The following GRIP1 variants were observed in gnomAD, a reference collection of about 807,000 sequenced individuals.
GRIP1 encodes glutamate receptor interacting protein 1, also known as glutamate receptor-interacting protein 1.
In GRIP1, 45 loss-of-function variants were observed where a neutral mutation model predicts 129.9. The observed-to-expected ratio is 0.35, with a 90% confidence interval of 0.27 to 0.44. The LOEUF (loss-of-function observed/expected upper bound fraction) is 0.44, where lower values mean the gene tolerates loss of function less well. Among genes scored for constraint, GRIP1 ranks in the 20% least tolerant of loss-of-function variants. The pLI is 1.00. For missense variants in GRIP1, 1,196 were observed against 1,396.8 expected, an observed-to-expected ratio of 0.86 and a Z score of 2.29; for synonymous variants, 530 against 520.8, an observed-to-expected ratio of 1.02 and a Z score of -0.24.
intron 2 of GRIP1, among the ~76,000 whole-genome samples, chr12:66,576,666 A>G (rs1189116589): frequency 6.6e-6 from 1 of 152,230 alleles, no homozygotes; most frequent in Non-Finnish European, 1.5e-5. Context: ...TGTTTTTTAA[A>G]TAAATAAGAC....
chr12:66,572,890 G>A (rs2063011238), intron 2 of GRIP1, among the ~76,000 whole-genome samples: 1 of 152,040 alleles, frequency 6.6e-6, no homozygotes, highest in Non-Finnish European at 1.5e-5. Context: ...GATCTCATAT[G>A]TTTTCTATAT....
intron 7 of GRIP1, among the ~76,000 whole-genome samples, chr12:66,477,616 T>A (rs1484772693): frequency 6.6e-6 from 1 of 152,220 alleles, no homozygotes; most frequent in African/African-American, 2.4e-5. Flanking sequence ...TCACGCTATC[T>A]GACTTCAAAC....
At chr12:67,057,258 G>A (rs982389417) in intron 1 of GRIP1, among the ~76,000 whole-genome samples, 5 of 152,010 alleles carry the variant, frequency 3.3e-5, no homozygotes, top group Non-Finnish European at 5.9e-5. Context: ...GACAGGATTA[G>A]TGTCCTTATA....
chr12:66,934,600 T>C (rs2041454183), intron 1 of GRIP1, among the ~76,000 whole-genome samples: 2 of 152,214 alleles, frequency 1.3e-5, no homozygotes. Context: ...TTTAAAATAC[T>C]TCAATAAATT....
intron 23 of GRIP1, among the ~76,000 whole-genome samples, chr12:66,354,660 G>A (rs2054393674): frequency 6.6e-6 from 1 of 152,158 alleles, no homozygotes; most frequent in Non-Finnish European, 1.5e-5. Flanking sequence ...CACAACTAAT[G>A]CATGAATACA....
At chr12:66,410,290 C>G (rs975315462) in intron 15 of GRIP1, among the ~76,000 whole-genome samples, 1 of 142,010 alleles carries the variant, frequency 7.0e-6, no homozygotes, top group Non-Finnish European at 1.5e-5. Flanking sequence ...AATTAGTAAG[C>G]TTGGAGACAG....
At chr12:66,628,706 T>A (rs1298399534) in intron 1 of GRIP1, among the ~76,000 whole-genome samples, 1 of 152,230 alleles carries the variant, frequency 6.6e-6, no homozygotes, top group Non-Finnish European at 1.5e-5. Flanking sequence ...GAGATATTTT[T>A]GATTGTCACA....
At chr12:66,708,020 T>C (rs1210472979) in intron 1 of GRIP1, among the ~76,000 whole-genome samples, 1 of 151,960 alleles carries the variant, frequency 6.6e-6, no homozygotes, top group Non-Finnish European at 1.5e-5. Context: ...ATAGAAGAAA[T>C]ATGCATTTCC....
chr12:66,379,612 ATCTT>A lies in GRIP1; in HGVS notation c.2465-180_2465-177del, dbSNP rs540677238. Among the ~76,000 whole-genome samples the A allele has an allele frequency of 4.6e-5, 7 of 152,314 alleles. No homozygotes were observed. In the South Asian group the frequency reaches 1.5e-3, roughly 32 times the overall value. On this transcript the variant is annotated intron_variant, in intron 19 of 24. Transcript: ENST00000359742. ...TTCACCAAGTACTTCATTTTGAGCCATCTTTCTTCTTTAGAGCCATCTTTGGAGG... is the reference window on the plus strand; with the variant it reads ...TTCACCAAGTACTTCATTTTGAGCCATCTTCTTTAGAGCCATCTTTGGAGG...
chr12:66,847,059 A>G (rs1448482960), intron 1 of GRIP1, among the ~76,000 whole-genome samples: 1 of 152,174 alleles, frequency 6.6e-6, no homozygotes, highest in East Asian at 1.9e-4. Context: ...GCGTGGAATT[A>G]ATCAGCTGCT....
intron 5 of GRIP1, among the ~76,000 whole-genome samples, chr12:66,526,377 T>C (rs2061241104): frequency 6.6e-6 from 1 of 152,186 alleles, no homozygotes; most frequent in African/African-American, 2.4e-5. Flanking sequence ...TAATGCTGCA[T>C]GTCTACAACC....
At chr12:66,957,539 T>G (rs1330868664) in intron 1 of GRIP1, among the ~76,000 whole-genome samples, 1 of 152,136 alleles carries the variant, frequency 6.6e-6, no homozygotes, top group Non-Finnish European at 1.5e-5. Context: ...TAGACTTCTC[T>G]TGTTCTTGAT....
At chr12:66,678,819 C>T in intron 1 of GRIP1, 31 bp downstream of exon 1, 1 of 1,601,240 alleles carries the variant, frequency 6.2e-7, no homozygotes. Context: ...GCAACAGACT[C>T]GCTGAGGGAA....
intron 1 of GRIP1, among the ~76,000 whole-genome samples, chr12:67,047,371 G>A (rs561684749): frequency 6.6e-6 from 1 of 152,098 alleles, no homozygotes; most frequent in East Asian, 1.9e-4. Context: ...CAATCCAATT[G>A]CAAGATAACT....
intron 1 of GRIP1, among the ~76,000 whole-genome samples, chr12:66,983,698 C>G (rs967238295): frequency 6.6e-6 from 1 of 152,018 alleles, no homozygotes; most frequent in Non-Finnish European, 1.5e-5. Context: ...TCAGAAAACA[C>G]CTGAAATTAA....
At chr12:66,410,594 G>A (rs2057366742) in intron 15 of GRIP1, among the ~76,000 whole-genome samples, 1 of 152,006 alleles carries the variant, frequency 6.6e-6, no homozygotes, top group Non-Finnish European at 1.5e-5. Context: ...AGTGGGCCGA[G>A]ATTGCACCAC....
chr12:66,789,806 T>C (rs1344682090), intron 1 of GRIP1, among the ~76,000 whole-genome samples: 3 of 152,274 alleles, frequency 2.0e-5, no homozygotes, highest in South Asian at 4.1e-4. Context: ...AGTAATTGTT[T>C]ACAGAAAAAC....
chr12:66,826,892 T>TA lies in GRIP1; in HGVS notation c.59-229966dup, dbSNP rs1052814173. 7.2e-5 allele frequency among the ~76,000 whole-genome samples: 11 copies of TA among 152,186 alleles called. No individual in the cohort carries two copies. In the East Asian group the frequency reaches 9.7e-4, roughly 13 times the overall value. On this transcript the variant is annotated intron_variant, in intron 1 of 1. Transcript: ENST00000643019. ...GGTATATTCTGTATGTATGTTTTTT[T>TA]AAAAAATGCATCAAAGAGAGTATTG...
chr12:66,546,440 T>C (rs1332115258), intron 2 of GRIP1, among the ~76,000 whole-genome samples: 1 of 152,028 alleles, frequency 6.6e-6, no homozygotes, highest in African/African-American at 2.4e-5. Flanking sequence ...CAGTAAGCTA[T>C]GATCATGCCA....
Sources: gnomAD v4.1 joint callset for allele counts (sites outside exome capture counted in the v4.1 genomes callset) on GRCh38, gnomAD v4.1.1 for gene constraint, MANE v1.5 for transcripts, NCBI Gene and HGNC (gene_info 2026-07-23, HGNC 2026-07-21) for gene names.